Variants in FGF14 observed in about 807,000 individuals in gnomAD.
The protein encoded by FGF14 is fibroblast growth factor homologous factor 4.
A neutral mutation model predicts 25.5 loss-of-function variants in FGF14; 5 were observed. The ratio of observed to expected loss-of-function variants is 0.20; its 90% CI spans 0.10 to 0.41. The LOEUF (loss-of-function observed/expected upper bound fraction) is 0.41, where lower values mean the gene tolerates loss of function less well. FGF14 is among the 10% of genes least tolerant of loss of function. The pLI is 1.00. For missense variants in FGF14, 222 were observed against 320.1 expected (o/e 0.69, Z 2.34); for synonymous variants, 138 against 118.3 (o/e 1.17, Z -1.08).
chr13:101,927,584 G>A (rs569632434), intron 1 of FGF14, among the ~76,000 whole-genome samples: 6 of 152,306 alleles, frequency 3.9e-5, no homozygotes, highest in African/African-American at 1.4e-4. Flanking sequence ...TTGTTGCCCT[G>A]CTGCAAGAGT....
At chr13:102,275,243 T>TCTCTCTCC (rs2053463661) in intron 1 of FGF14, among the ~76,000 whole-genome samples, 3 of 98,696 alleles carry the variant, frequency 3.0e-5, no homozygotes, top group Non-Finnish European at 6.0e-5. Context: ...TTTCTCTCTC[T>TCTCTCTCC]CTCTCTCTCT....
At chr13:101,813,387 C>A (rs1007142006) in intron 3 of FGF14, among the ~76,000 whole-genome samples, 11 of 152,216 alleles carry the variant, frequency 7.2e-5, no homozygotes, top group Non-Finnish European at 1.3e-4. Context: ...AGGGCTTGAG[C>A]GGGTGGGTTG....
intron 3 of FGF14, among the ~76,000 whole-genome samples, chr13:101,741,740 T>A (rs2036574778): frequency 6.6e-6 from 1 of 152,190 alleles, no homozygotes; most frequent in African/African-American, 2.4e-5. Flanking sequence ...TTAAATTGTG[T>A]AAACTTTCAG....
intron 1 of FGF14, among the ~76,000 whole-genome samples, chr13:101,974,849 G>A (rs188585686): frequency 2.0e-5 from 3 of 152,280 alleles, no homozygotes; most frequent in Admixed American, 6.5e-5. Flanking sequence ...CTTGTTGAAT[G>A]AATGTGTGTC....
chr13:102,378,150 A>G (rs2139153618), intron 1 of FGF14, among the ~76,000 whole-genome samples: 1 of 152,270 alleles, frequency 6.6e-6, no homozygotes, highest in East Asian at 1.9e-4. Context: ...ATTTGTCTAA[A>G]CCCATGGAGC....
At chr13:101,882,542 T>C (rs942464792) in intron 1 of FGF14, among the ~76,000 whole-genome samples, 1 of 137,016 alleles carries the variant, frequency 7.3e-6, no homozygotes, top group African/African-American at 2.9e-5. Flanking sequence ...GAAAAAAATA[T>C]ATTTTCTGTT....
chr13:101,802,185 C>A, intron 3 of FGF14: 1 of 246,506 alleles, frequency 4.1e-6, no homozygotes. Flanking sequence ...TTCAGAAGTC[C>A]ACTTCAAGGT....
At chr13:101,802,700 G>A (rs1029621583) in intron 3 of FGF14, among the ~76,000 whole-genome samples, 1 of 152,218 alleles carries the variant, frequency 6.6e-6, no homozygotes, top group South Asian at 2.1e-4. Context: ...AAATAAAAAG[G>A]CAATCTTGTG....
intron 1 of FGF14, among the ~76,000 whole-genome samples, chr13:102,397,628 G>C (rs1030554451): frequency 2.0e-5 from 3 of 152,184 alleles, no homozygotes; most frequent in Non-Finnish European, 2.9e-5. Context: ...ATATCTATTT[G>C]AGGGTCTGTG....
chr13:101,881,461 C>T (rs1216651878), intron 1 of FGF14, among the ~76,000 whole-genome samples: 1 of 152,070 alleles, frequency 6.6e-6, no homozygotes, highest in Admixed American at 6.6e-5. Context: ...TGTGCTTTGG[C>T]CTACTAATTT....
At chr13:102,291,557 T>C (rs573938949) in intron 1 of FGF14, among the ~76,000 whole-genome samples, 5 of 152,252 alleles carry the variant, frequency 3.3e-5, no homozygotes, top group African/African-American at 1.2e-4. Context: ...TTAAAATAGA[T>C]AGATCAATAA....
chr13:101,867,096 T>C (rs564287150), intron 3 of FGF14, among the ~76,000 whole-genome samples: 95 of 152,262 alleles, frequency 6.2e-4, no homozygotes, highest in African/African-American at 1.6e-3. Context: ...GCAAATGCTA[T>C]TGCACGCAGT....
chr13:102,103,548 C>T (rs1301032522), intron 1 of FGF14, among the ~76,000 whole-genome samples: 1 of 151,778 alleles, frequency 6.6e-6, no homozygotes, highest in Non-Finnish European at 1.5e-5. Flanking sequence ...TTATTTTCCT[C>T]GTATTAACAA....
intron 1 of FGF14, among the ~76,000 whole-genome samples, chr13:102,176,994 C>T (rs1424557731): frequency 6.6e-6 from 1 of 152,102 alleles, no homozygotes; most frequent in Admixed American, 6.6e-5. Context: ...AAACAGGAGT[C>T]AGCTGTAGCT....
intron 3 of FGF14, among the ~76,000 whole-genome samples, chr13:101,849,025 C>T (rs1335605019): frequency 6.6e-6 from 1 of 151,836 alleles, no homozygotes; most frequent in Non-Finnish European, 1.5e-5. Context: ...ATCTTCTGAC[C>T]TCCTTTCCTC....
At position 101,887,328 on chromosome 13, in the gene FGF14, G is replaced by GTA. The variant is rs1555307081; in HGVS notation, c.194-12034_194-12033dup. Among the ~76,000 whole-genome samples the GTA allele has an allele frequency of 6.6e-3, 978 of 147,660 alleles. 6 individuals carry two copies. The highest frequency in any genetic ancestry group is 9.9e-3 in the South Asian group (46 of 4,632). ...GTAAATATATTTCATATATATGTGT[G>GTA]TATATATATATATATATACACACAC... is the stretch of plus-strand genomic sequence containing the variant. On this transcript the variant is annotated intron_variant, in intron 1 of 4. Transcript: ENST00000376143.
chr13:102,066,546 C>T (rs915619123), intron 1 of FGF14, among the ~76,000 whole-genome samples: 1 of 152,148 alleles, frequency 6.6e-6, no homozygotes, highest in Non-Finnish European at 1.5e-5. Flanking sequence ...TTATAAAGCT[C>T]CCATTACATA....
At chr13:102,043,418 G>T (rs992045199) in intron 1 of FGF14, among the ~76,000 whole-genome samples, 1 of 152,070 alleles carries the variant, frequency 6.6e-6, no homozygotes, top group South Asian at 2.1e-4. Flanking sequence ...TTCATCCAAC[G>T]CTTACTCTAG....
intron 1 of FGF14, among the ~76,000 whole-genome samples, chr13:102,324,923 T>G (rs752566870): frequency 1.3e-5 from 2 of 151,554 alleles, no homozygotes; most frequent in Non-Finnish European, 3.0e-5. Context: ...TGATATTTGT[T>G]TTTTTTTGAT....
Sources: allele counts gnomAD v4.1 joint callset (sites outside exome capture counted in the v4.1 genomes callset), GRCh38; gene constraint gnomAD v4.1.1; transcripts MANE v1.5; gene names NCBI Gene and HGNC (gene_info 2026-07-23, HGNC 2026-07-21).